TNIK: variants seen among roughly 807,000 people sequenced by gnomAD.
TNIK encodes the protein TRAF2 and NCK interacting kinase.
TNIK carries 49 observed loss-of-function variants against 191.3 expected under a neutral mutation model. The observed-to-expected ratio is 0.26, with a 90% CI of 0.20 to 0.32. TNIK has a LOEUF of 0.32. Among genes scored for constraint, TNIK ranks in the 10% least tolerant of loss-of-function variants. The probability of loss-of-function intolerance (pLI) is 1.00; values close to 1 mark genes in which losing one functional copy is unlikely to be tolerated. For synonymous variants in TNIK, 594 were observed against 600.9 expected (o/e 0.99, Z 0.17); for missense variants, 1,155 against 1,702.3 (o/e 0.68, Z 5.66).
chr3:171,320,092 C>T (rs1169006218), intron 2 of TNIK, among the ~76,000 whole-genome samples: 3 of 152,182 alleles, frequency 2.0e-5, no homozygotes, highest in Non-Finnish European at 2.9e-5. Context: ...GTTGTATAGC[C>T]TCTTCCATTT....
chr3:171,085,868 A>G (rs1721290293), intron 24 of TNIK, among the ~76,000 whole-genome samples: 1 of 152,212 alleles, frequency 6.6e-6, no homozygotes, highest in Non-Finnish European at 1.5e-5. Context: ...TGAGGATATT[A>G]CGTTTGTGAG....
intron 28 of TNIK, among the ~76,000 whole-genome samples, chr3:171,075,384 G>T (rs948936238): frequency 6.6e-6 from 1 of 152,090 alleles, no homozygotes; most frequent in African/African-American, 2.4e-5. Context: ...GAGAATGATG[G>T]GATGTATGTT....
intron 2 of TNIK, among the ~76,000 whole-genome samples, chr3:171,294,473 C>A (rs1442948678): frequency 2.6e-5 from 4 of 152,094 alleles, no homozygotes; most frequent in Admixed American, 6.5e-5. Flanking sequence ...GTAATCCCAG[C>A]ACTTTGGGAA....
chr3:171,138,978 G>C (rs1387374015), intron 14 of TNIK, among the ~76,000 whole-genome samples: 1 of 152,202 alleles, frequency 6.6e-6, no homozygotes, highest in Non-Finnish European at 1.5e-5. Flanking sequence ...TGTACTTCAA[G>C]TGGAAGCTGC....
chr3:171,392,093 C>A (rs1719595500), intron 1 of TNIK, among the ~76,000 whole-genome samples: 1 of 152,160 alleles, frequency 6.6e-6, no homozygotes. Flanking sequence ...TGCTCAAAAT[C>A]TCCTTTCAAG....
intron 15 of TNIK, 43 bp downstream of exon 15, chr3:171,138,148 C>A (rs1472680785): frequency 5.3e-6 from 8 of 1,499,668 alleles, no homozygotes; most frequent in South Asian, 4.3e-5. Context: ...TCATTAGAGT[C>A]AAAAGCCTGG....
At chr3:171,105,920 G>A (rs1204388610) in intron 21 of TNIK, among the ~76,000 whole-genome samples, 1 of 152,144 alleles carries the variant, frequency 6.6e-6, no homozygotes, top group African/African-American at 2.4e-5. Flanking sequence ...TCACTATTAT[G>A]AGAGAGAGGG....
At chr3:171,120,092 A>C (rs1410612231) in intron 18 of TNIK, among the ~76,000 whole-genome samples, 1 of 152,180 alleles carries the variant, frequency 6.6e-6, no homozygotes, top group Non-Finnish European at 1.5e-5. Context: ...AGTTACAGGT[A>C]TACCGTTGCA....
At chr3:171,328,790 T>G (rs900252194) in intron 2 of TNIK, among the ~76,000 whole-genome samples, 1 of 152,168 alleles carries the variant, frequency 6.6e-6, no homozygotes, top group Admixed American at 6.5e-5. Context: ...TCTGCCTGCC[T>G]TTCCTCATGC....
rs1020435811 is a variant in TNIK at position 171,138,047 on chromosome 3, T to C, written c.1608+144A>G. On this transcript the variant is annotated intron_variant, in intron 15 of 32. Transcript: ENST00000436636. ...CCATTTCTCTACAGAAATAATGTTA[T>C]AGTTCTTGCAAAAGCAAAGCATGTG... The C allele has an allele frequency of 1.3e-5, 8 of 632,186 alleles. 1 individual carries two copies. Among genetic ancestry groups the C allele is most frequent in the Non-Finnish European group, 1.8e-5 (8 of 432,592 alleles). 39.2% of individuals were successfully genotyped at this position (632,186 alleles called of 1,614,324 possible). A position where few individuals can be genotyped will look rare whatever the true frequency, so the allele number is the denominator to read the frequency against.
intron 3 of TNIK, among the ~76,000 whole-genome samples, chr3:171,220,851 C>G (rs1405693733): frequency 6.6e-6 from 1 of 152,156 alleles, no homozygotes; most frequent in East Asian, 1.9e-4. Flanking sequence ...GAGGTATAGA[C>G]AGTAGCCCCC....
intron 19 of TNIK, among the ~76,000 whole-genome samples, chr3:171,110,202 C>T (rs548286797): frequency 1.3e-5 from 2 of 152,278 alleles, no homozygotes; most frequent in African/African-American, 4.8e-5. Context: ...CCACCACACT[C>T]GGCCTAAATA....
chr3:171,277,545 A>G (rs1413997208), intron 2 of TNIK, among the ~76,000 whole-genome samples: 5 of 152,190 alleles, frequency 3.3e-5, no homozygotes, highest in African/African-American at 9.6e-5. Context: ...TAAATGTACA[A>G]CGTATCAGCA....
intron 1 of TNIK, among the ~76,000 whole-genome samples, chr3:171,383,969 C>CA (rs1309282926): frequency 1.3e-5 from 2 of 152,210 alleles, no homozygotes; most frequent in Non-Finnish European, 2.9e-5. Context: ...TTTAAAGCTA[C>CA]AGCACACCTC....
intron 10 of TNIK, among the ~76,000 whole-genome samples, chr3:171,162,405 T>C (rs995369119): frequency 6.6e-6 from 1 of 152,182 alleles, no homozygotes; most frequent in Non-Finnish European, 1.5e-5. Context: ...GCCTGGGTGA[T>C]AGAGTGAGAC....
intron 2 of TNIK, among the ~76,000 whole-genome samples, chr3:171,319,684 AATTC>A (rs879383223): frequency 6.6e-6 from 1 of 152,198 alleles, no homozygotes; most frequent in Non-Finnish European, 1.5e-5. Flanking sequence ...AGTTTGTTAA[AATTC>A]CTTTATAGCC....
At chr3:171,194,455 A>T (rs1031786398) in intron 5 of TNIK, 70 bp downstream of exon 5, 26 of 1,357,074 alleles carry the variant, frequency 1.9e-5, no homozygotes, top group Non-Finnish European at 2.6e-5. Context: ...AAAAAAATTC[A>T]ATCCCTCATA....
chr3:171,098,866 G>A (rs1723071946), intron 22 of TNIK, among the ~76,000 whole-genome samples: 1 of 152,090 alleles, frequency 6.6e-6, no homozygotes, highest in Non-Finnish European at 1.5e-5. Context: ...AACAGACTGT[G>A]TATATTTTAT....
intron 22 of TNIK, among the ~76,000 whole-genome samples, chr3:171,097,303 G>A (rs1028554186): frequency 6.6e-6 from 1 of 152,174 alleles, no homozygotes; most frequent in Non-Finnish European, 1.5e-5. Context: ...AAGGCAAGAG[G>A]AACTGAGCAA....
Sources: gnomAD v4.1 joint callset for allele counts (sites outside exome capture counted in the v4.1 genomes callset) on GRCh38, gnomAD v4.1.1 for gene constraint, MANE v1.5 for transcripts, NCBI Gene and HGNC (gene_info 2026-07-23, HGNC 2026-07-21) for gene names.